Variants in COL10A1 observed in about 807,000 individuals in gnomAD.
COL10A1 encodes collagen alpha-1(X) chain.
A neutral mutation model predicts 18.2 loss-of-function variants in COL10A1; 10 were observed. The ratio of observed to expected loss-of-function variants is 0.55; its 90% CI spans 0.34 to 0.93. The LOEUF is 0.93. Among genes scored for constraint, COL10A1 ranks in the 40% least tolerant of loss-of-function variants. The pLI, the probability that COL10A1 is intolerant of heterozygous loss-of-function variation, is 0.02. For synonymous variants in COL10A1, 330 were observed against 316.6 expected, an observed-to-expected ratio of 1.04 and a Z score of -0.45; for missense variants, 897 against 853.5, an observed-to-expected ratio of 1.05 and a Z score of -0.64.
At chr6:116,129,542 T>G (rs889378969), upstream of COL10A1, among the ~76,000 whole-genome samples, 1 of 152,176 alleles carries the variant, frequency 6.6e-6, no homozygotes, top group African/African-American at 2.4e-5. Context: ...CCCCTTTTGC[T>G]CTCTTGCACA....
At chr6:116,167,945 ATAGTC>A in the COL10A1 span, among the ~76,000 whole-genome samples, 59 of 152,246 alleles carry the variant, frequency 3.9e-4, no homozygotes, top group East Asian at 2.3e-3. Context: ...TTTCTGCACT[ATAGTC>A]TAGTTTCTAT....
At chr6:116,144,191 ATTC>A (rs1373953881) in intron 1 of COL10A1, among the ~76,000 whole-genome samples, 1 of 152,138 alleles carries the variant, frequency 6.6e-6, no homozygotes, top group Non-Finnish European at 1.5e-5. Flanking sequence ...AAACAAACAT[ATTC>A]TTCTTACAAC....
upstream of COL10A1, among the ~76,000 whole-genome samples, chr6:116,163,033 A>G (rs551901905): frequency 5.1e-4 from 77 of 150,484 alleles, no homozygotes; most frequent in African/African-American, 1.8e-3. Context: ...AAGCTGAGGC[A>G]GGAGAATGGC....
chr6:116,124,654 T>A (rs1779238009), intron 2 of COL10A1, among the ~76,000 whole-genome samples: 2 of 152,346 alleles, frequency 1.3e-5, no homozygotes, highest in South Asian at 2.1e-4. Flanking sequence ...GCCCTTGAGA[T>A]AGCTGCTCCT....
intron 1 of COL10A1, among the ~76,000 whole-genome samples, chr6:116,138,290 G>A (rs2114355474): frequency 6.6e-6 from 1 of 152,228 alleles, no homozygotes; most frequent in South Asian, 2.1e-4. Context: ...ATGGTAAAGC[G>A]ACTGTTTTCT....
chr6:116,211,908 T>C, the COL10A1 span, among the ~76,000 whole-genome samples: 1 of 151,960 alleles, frequency 6.6e-6, no homozygotes, highest in East Asian at 1.9e-4. Flanking sequence ...CACAACACAC[T>C]GATGAACAAA....
At chr6:116,199,511 A>G in the COL10A1 span, among the ~76,000 whole-genome samples, 4 of 152,098 alleles carry the variant, frequency 2.6e-5, no homozygotes, top group Non-Finnish European at 4.4e-5. Context: ...ATCTTTAAAA[A>G]ACAAAGAAGT....
the COL10A1 span, among the ~76,000 whole-genome samples, chr6:116,190,477 G>A: frequency 6.6e-6 from 1 of 151,976 alleles, no homozygotes; most frequent in East Asian, 1.9e-4. Flanking sequence ...GGTTACAGAA[G>A]TTAGCGGCAG....
intron 1 of COL10A1, chr6:116,158,540 T>G (rs537250589): frequency 6.6e-6 from 1 of 152,338 alleles, no homozygotes; most frequent in East Asian, 1.9e-4. Flanking sequence ...ACAGCCAGTA[T>G]TTTTGCCCTG....
chr6:116,204,463 A>C, the COL10A1 span, among the ~76,000 whole-genome samples: 1 of 151,978 alleles, frequency 6.6e-6, no homozygotes, highest in South Asian at 2.1e-4. Flanking sequence ...AAGATCTGAC[A>C]GTATGACCTG....
the COL10A1 span, among the ~76,000 whole-genome samples, chr6:116,201,332 T>G: frequency 6.6e-6 from 1 of 152,070 alleles, no homozygotes; most frequent in East Asian, 1.9e-4. Flanking sequence ...TGAACAGTAT[T>G]GTTTATTCAT....
At chr6:116,197,110 TCCTTTCTCCA>T in the COL10A1 span, among the ~76,000 whole-genome samples, 1 of 151,800 alleles carries the variant, frequency 6.6e-6, no homozygotes, top group African/African-American at 2.4e-5. Flanking sequence ...CACCCCCACC[TCCTTTCTCCA>T]TTTGTAGTGG....
chr6:116,153,037 G>C (rs774495626), intron 1 of COL10A1, among the ~76,000 whole-genome samples: 1 of 151,816 alleles, frequency 6.6e-6, no homozygotes, highest in Non-Finnish European at 1.5e-5. Flanking sequence ...TTTTTGAAAA[G>C]AAGTAAAATC....
In COL10A1 at chr6:116,125,428, G is replaced by A. The variant is rs759940492; in HGVS notation, c.65C>T (p.Ala22Val). The A allele has an allele frequency of 6.2e-7, 1 of 1,613,846 alleles. No homozygotes were observed. Among genetic ancestry groups the A allele is most frequent in the Non-Finnish European group, 8.5e-7 (1 of 1,179,846 alleles). ...GCCTGTGGGCATTTGGTATCGTTCA[G>A]CGTAAAACACTCCATGAACCAAGTT... ...SLNLVHGVFY[A>V]ERYQMPTGIK... Residue 22 changes from alanine to valine, a missense_variant, in exon 2 of 3, where the codon GCT becomes GTT. Coordinates refer to ENST00000651968, the MANE Select transcript of COL10A1 (RefSeq NM_000493.4).
chr6:116,130,280 G>T (rs1779427621), upstream of COL10A1, among the ~76,000 whole-genome samples: 1 of 152,064 alleles, frequency 6.6e-6, no homozygotes, highest in African/African-American at 2.4e-5. Context: ...AGTGAGGAAA[G>T]TGTGTGTGTT....
At chr6:116,185,731 C>T in the COL10A1 span, among the ~76,000 whole-genome samples, 2 of 151,906 alleles carry the variant, frequency 1.3e-5, no homozygotes, top group Non-Finnish European at 2.9e-5. Context: ...TTTTTTCTAC[C>T]CCTTTACCTT....
the COL10A1 span, among the ~76,000 whole-genome samples, chr6:116,194,139 G>A: frequency 2.0e-5 from 3 of 152,038 alleles, no homozygotes; most frequent in Non-Finnish European, 2.9e-5. Flanking sequence ...GTAGAATGAT[G>A]TCATGGTCCA....
the COL10A1 span, among the ~76,000 whole-genome samples, chr6:116,212,799 T>C: frequency 6.6e-6 from 1 of 152,144 alleles, no homozygotes; most frequent in Non-Finnish European, 1.5e-5. Context: ...CATTTCATAT[T>C]TGAACTAGAT....
intron 2 of COL10A1, among the ~76,000 whole-genome samples, chr6:116,122,517 CAAAG>C (rs1247382969): frequency 6.6e-6 from 1 of 152,052 alleles, no homozygotes; most frequent in Non-Finnish European, 1.5e-5. Context: ...AAAATTGAAA[CAAAG>C]AACTAGAGAA....
Sources: allele counts gnomAD v4.1 joint callset (sites outside exome capture counted in the v4.1 genomes callset), GRCh38; gene constraint gnomAD v4.1.1; transcripts MANE v1.5; gene names NCBI Gene and HGNC (gene_info 2026-07-23, HGNC 2026-07-21).